Variants in AIMP2 observed in about 807,000 individuals in gnomAD.
AIMP2 encodes the protein aminoacyl tRNA synthetase complex interacting multifunctional protein 2.
A neutral mutation model predicts 23.4 loss-of-function variants in AIMP2; 20 were observed. The ratio of observed to expected loss-of-function variants is 0.85; its 90% CI spans 0.60 to 1.24. The LOEUF is 1.24. AIMP2 is among the 50% of genes most tolerant of loss of function. The pLI is 0.00. For missense variants in AIMP2, 515 were observed against 414.5 expected (o/e 1.24, Z -2.10); for synonymous variants, 210 against 170.4 (o/e 1.23, Z -1.81).
At chr7:6,019,976 C>T (rs1006061289) in intron 3 of AIMP2, among the ~76,000 whole-genome samples, 5 of 149,092 alleles carry the variant, frequency 3.4e-5, no homozygotes, top group African/African-American at 9.9e-5. Context: ...CAGCTGAAGT[C>T]GCACCACTGC....
intron 3 of AIMP2, among the ~76,000 whole-genome samples, chr7:6,019,045 A>G (rs762846984): frequency 6.6e-6 from 1 of 152,106 alleles, no homozygotes; most frequent in African/African-American, 2.4e-5. Flanking sequence ...GAAGATGAGC[A>G]TGAAATCCCA....
chr7:6,012,712 A>C, intron 1 of AIMP2: 2 of 582,646 alleles, frequency 3.4e-6, no homozygotes, highest in Non-Finnish European at 5.3e-6. Context: ...GGTGCCCCCC[A>C]CCAAGCCCAG....
chr7:6,013,491 C>A (rs1246941188), intron 1 of AIMP2, among the ~76,000 whole-genome samples: 1 of 152,040 alleles, frequency 6.6e-6, no homozygotes, highest in African/African-American at 2.4e-5. Context: ...GAACTCCTGA[C>A]CTCAGGTGAT....
chr7:6,009,974 A>AAATATATATAT, intron 1 of AIMP2, among the ~76,000 whole-genome samples: 6 of 26,672 alleles, frequency 2.2e-4, no homozygotes, highest in African/African-American at 2.8e-4. Flanking sequence ...AAAAAAAAAA[A>AAATATATATAT]ATATATATAT....
chr7:6,018,339 G>A (rs1198856659), intron 3 of AIMP2, among the ~76,000 whole-genome samples: 2 of 149,994 alleles, frequency 1.3e-5, no homozygotes, highest in African/African-American at 2.4e-5. Context: ...TAGTAGAGAC[G>A]GGGTTTCACT....
chr7:6,018,144 T>TTA, intron 3 of AIMP2, 99 bp downstream of exon 3: 114 of 876,568 alleles, frequency 1.3e-4, no homozygotes, highest in Middle Eastern at 2.3e-4. Flanking sequence ...TTTTTTCTTT[T>TTA]TCTTTTTTTT....
chr7:6,017,159 G>A lies in AIMP2; in HGVS notation c.343-655G>A, dbSNP rs553618205. 5.3e-5 allele frequency: 8 copies of A among 152,284 alleles called. No individual in the cohort carries two copies. The South Asian group carries it at 6.2e-4, about 12-fold the overall frequency. 9.4% of individuals were successfully genotyped at this position (152,284 alleles called of 1,614,324 possible). On this transcript the variant is annotated intron_variant, in intron 2 of 3. Coordinates refer to ENST00000223029, the MANE Select transcript of AIMP2 (RefSeq NM_006303.4). ...ACATCTTAATGAACACAAATTGGCC[G>A]TGGTCAGCTGTTGGAAAGATTGAGT...
chr7:6,018,968 T>TATACACACACACACACAC (rs111943711), intron 3 of AIMP2, among the ~76,000 whole-genome samples: 3 of 150,554 alleles, frequency 2.0e-5, no homozygotes, highest in Non-Finnish European at 4.4e-5. Flanking sequence ...TATCAAACCT[T>TATACACACACACACACAC]ACACACACAC....
At chr7:6,023,085 G>T (rs1348717718) in intron 3 of AIMP2, 5 of 551,596 alleles carry the variant, frequency 9.1e-6, no homozygotes, top group African/African-American at 3.8e-5. Flanking sequence ...CAAATACCAG[G>T]AATGACTCTT....
rs753777297 is a variant in AIMP2 at position 6,009,477 on chromosome 7, G to C, written c.114G>C (p.Ala38=). The change falls in exon 1 of 4, where the codon GCG becomes GCC. Residue 38 remains alanine (A), a synonymous_variant. Coordinates refer to ENST00000223029, the MANE Select transcript of AIMP2 (RefSeq NM_006303.4). ...TGCACGGCAGGAGCTACGGCCCAGCGCCGGGCGCTGGCCACGTGCAGGTAG... is the reference window on the plus strand; with the variant it reads ...TGCACGGCAGGAGCTACGGCCCAGCCCCGGGCGCTGGCCACGTGCAGGTAG... ...PNVHGRSYGP[A]PGAGHVQEES... The C allele has an allele frequency of 6.3e-7, 1 of 1,582,400 alleles. No individual in the cohort carries two copies. Among genetic ancestry groups the C allele is most frequent in the Non-Finnish European group, 8.6e-7 (1 of 1,168,410 alleles).
At chr7:6,013,942 C>T (rs1786858435) in intron 1 of AIMP2, among the ~76,000 whole-genome samples, 1 of 145,618 alleles carries the variant, frequency 6.9e-6, no homozygotes, top group South Asian at 2.3e-4. Flanking sequence ...TAGAGTGAGA[C>T]CCTGTCTCCA....
At position 6,009,279 on chromosome 7, in the gene AIMP2, A is replaced by T; in HGVS notation, c.-85A>T. 6.2e-7 allele frequency: 1 copy of T among 1,603,942 alleles called. No individual in the cohort carries two copies. Among genetic ancestry groups the T allele is most frequent in the South Asian group, 1.1e-5 (1 of 90,446 alleles). On this transcript the variant is annotated 5_prime_UTR_variant, in exon 1 of 4. Transcript: ENST00000223029. ...AACGCCCGCAGCAGGGTCAGAAGGGAGGTGGCCGGTCTCCGTCGTGACCTC... is the reference window on the plus strand; with the variant it reads ...AACGCCCGCAGCAGGGTCAGAAGGGTGGTGGCCGGTCTCCGTCGTGACCTC...
At chr7:6,015,681 G>A (rs1207772738) in intron 2 of AIMP2, among the ~76,000 whole-genome samples, 5 of 152,208 alleles carry the variant, frequency 3.3e-5, no homozygotes, top group African/African-American at 7.2e-5. Flanking sequence ...CGGAGATCGC[G>A]CCACTACACT....
chr7:6,022,190 C>A (rs1787475280), intron 3 of AIMP2: 1 of 152,252 alleles, frequency 6.6e-6, no homozygotes, highest in Non-Finnish European at 1.5e-5. Context: ...ATCCTCCCAC[C>A]TCAGCCTCCC....
chr7:6,019,796 G>A (rs916715092), intron 3 of AIMP2, among the ~76,000 whole-genome samples: 7 of 152,098 alleles, frequency 4.6e-5, no homozygotes, highest in African/African-American at 1.7e-4. Flanking sequence ...GAACGAGGAG[G>A]GCAGATCACG....
At chr7:6,019,670 A>G (rs969398741) in intron 3 of AIMP2, among the ~76,000 whole-genome samples, 1 of 152,146 alleles carries the variant, frequency 6.6e-6, no homozygotes, top group Non-Finnish European at 1.5e-5. Flanking sequence ...GATATGTACC[A>G]GAAGTCTGCA....
chr7:6,017,522 CAAA>C (rs58136223), intron 2 of AIMP2, among the ~76,000 whole-genome samples: 5 of 127,172 alleles, frequency 3.9e-5, no homozygotes, highest in African/African-American at 8.7e-5. Context: ...GACTCTGTCT[CAAA>C]AAAAAAAAAA....
intron 3 of AIMP2, among the ~76,000 whole-genome samples, chr7:6,020,972 C>G (rs565454929): frequency 6.6e-6 from 1 of 152,292 alleles, no homozygotes; most frequent in South Asian, 2.1e-4. Context: ...TTTGGTTGTA[C>G]AACGTCTGGA....
intron 3 of AIMP2, among the ~76,000 whole-genome samples, chr7:6,021,673 GC>G (rs1163450353): frequency 6.6e-6 from 1 of 152,132 alleles, no homozygotes; most frequent in Non-Finnish European, 1.5e-5. Flanking sequence ...CCAAACCAGT[GC>G]CAGACGTTGA....
Sources: allele counts gnomAD v4.1 joint callset (sites outside exome capture counted in the v4.1 genomes callset), GRCh38; gene constraint gnomAD v4.1.1; transcripts MANE v1.5; gene names NCBI Gene and HGNC (gene_info 2026-07-23, HGNC 2026-07-21).